Variants in REC114 observed in about 807,000 individuals in gnomAD.
REC114 encodes the protein meiotic recombination protein REC114.
REC114 carries 27 observed loss-of-function variants against 31.3 expected under a neutral mutation model. The ratio of observed to expected loss-of-function variants is 0.86; its 90% CI spans 0.64 to 1.19. The LOEUF is 1.19. Ranked by LOEUF, REC114 falls within the 50% of genes most tolerant of loss-of-function variation. REC114 has a pLI of 0.00. For synonymous variants in REC114, 134 were observed against 127.7 expected, an observed-to-expected ratio of 1.05 and a Z score of -0.33; for missense variants, 344 against 326.9, an observed-to-expected ratio of 1.05 and a Z score of -0.40.
chr15:73,449,756 G>A (rs2415149), intron 1 of REC114, among the ~76,000 whole-genome samples: 7,050 of 152,200 alleles, frequency 0.046, 270 homozygotes, highest in African/African-American at 0.11. Flanking sequence ...GAGAAAGGTT[G>A]GGTAACCCAC....
chr15:73,470,131 AAT>A (rs1474552377), intron 1 of REC114, among the ~76,000 whole-genome samples: 1 of 152,120 alleles, frequency 6.6e-6, no homozygotes, highest in Non-Finnish European at 1.5e-5. Flanking sequence ...TATTATATTT[AAT>A]ATGATTATTG....
intron 2 of REC114, among the ~76,000 whole-genome samples, chr15:73,480,718 C>T (rs1893282741): frequency 6.6e-6 from 1 of 152,178 alleles, no homozygotes; most frequent in Non-Finnish European, 1.5e-5. Context: ...CACTCTTTCG[C>T]CCAGGCTGGG....
At position 73,465,708 on chromosome 15, in the gene REC114, A is replaced by G. The variant is rs1249961013; in HGVS notation, c.160-8124A>G. ...TTATTTTCTGAAATAATCAAGTTAA[A>G]TGAAAAATATTATGCAGCGGACATT... is the stretch of plus-strand genomic sequence containing the variant. On this transcript the variant is annotated intron_variant, in intron 1 of 5. Transcript: ENST00000331090. Among the ~76,000 whole-genome samples the G allele has an allele frequency of 2.0e-5, 3 of 152,224 alleles. No homozygotes were observed. The South Asian group carries it at 6.2e-4, about 32-fold the overall frequency.
At chr15:73,546,107 A>C (rs931939886) in intron 3 of REC114, among the ~76,000 whole-genome samples, 1 of 152,212 alleles carries the variant, frequency 6.6e-6, no homozygotes, top group African/African-American at 2.4e-5. Flanking sequence ...TAGGTAATAC[A>C]CTAAAAGAAA....
At chr15:73,554,216 G>C (rs1028181614) in intron 4 of REC114, among the ~76,000 whole-genome samples, 31 of 152,246 alleles carry the variant, frequency 2.0e-4, no homozygotes, top group Admixed American at 2.6e-4. Flanking sequence ...AATTCCACCA[G>C]GGTACAGACC....
chr15:73,453,296 AACCCCATCAAAAAGTGGGCGAAG>A (rs1392696991), intron 1 of REC114, among the ~76,000 whole-genome samples: 1 of 152,252 alleles, frequency 6.6e-6, no homozygotes, highest in East Asian at 1.9e-4. Flanking sequence ...AGAAAAAGTC[AACCCCATCAAAAAGTGGGCGAAG>A]GATATGTACA....
At chr15:73,457,898 A>C (rs1000654456) in intron 1 of REC114, among the ~76,000 whole-genome samples, 6 of 152,198 alleles carry the variant, frequency 3.9e-5, no homozygotes, top group African/African-American at 1.4e-4. Flanking sequence ...TGTGTGCTTC[A>C]CACAGTCTTA....
At chr15:73,459,512 A>T (rs894282818) in intron 1 of REC114, among the ~76,000 whole-genome samples, 14 of 152,148 alleles carry the variant, frequency 9.2e-5, no homozygotes. Context: ...GATTACAGGC[A>T]TGAGCCACCG....
intron 1 of REC114, 63 bp downstream of exon 1, chr15:73,443,407 G>A (rs1006650984): frequency 2.0e-6 from 3 of 1,485,578 alleles, no homozygotes; most frequent in Non-Finnish European, 2.7e-6. Context: ...GAGGCTCCGC[G>A]AATACACTGG....
At chr15:73,520,636 C>T (rs1893925132) in intron 2 of REC114, among the ~76,000 whole-genome samples, 1 of 152,098 alleles carries the variant, frequency 6.6e-6, no homozygotes, top group Non-Finnish European at 1.5e-5. Flanking sequence ...CCTCCCTGCC[C>T]CATTTTGCCC....
intron 2 of REC114, among the ~76,000 whole-genome samples, chr15:73,508,437 CTTTT>C (rs1186634944): frequency 1.5e-5 from 2 of 131,148 alleles, no homozygotes; most frequent in Admixed American, 7.7e-5. Context: ...TTTTTTTTTT[CTTTT>C]TTAATTTTTT....
At chr15:73,526,198 ATC>A (rs1894004754) in intron 2 of REC114, among the ~76,000 whole-genome samples, 1 of 151,952 alleles carries the variant, frequency 6.6e-6, no homozygotes, top group African/African-American at 2.4e-5. Context: ...ATCTCTTTTT[ATC>A]TGTTTCTTTA....
intron 4 of REC114, among the ~76,000 whole-genome samples, chr15:73,555,244 CCT>C (rs1421884089): frequency 2.0e-5 from 3 of 152,112 alleles, no homozygotes; most frequent in African/African-American, 4.8e-5. Flanking sequence ...CAAAGAGTGC[CCT>C]GTTTCCTCCC....
At chr15:73,518,160 C>T (rs186161671) in intron 2 of REC114, among the ~76,000 whole-genome samples, 8 of 152,296 alleles carry the variant, frequency 5.3e-5, no homozygotes, top group East Asian at 1.9e-4. Flanking sequence ...AAATGAATTA[C>T]GTTTGCTATT....
intron 1 of REC114, among the ~76,000 whole-genome samples, chr15:73,460,885 C>T (rs1462893080): frequency 6.6e-6 from 1 of 151,950 alleles, no homozygotes; most frequent in Non-Finnish European, 1.5e-5. Flanking sequence ...GATAATTCTT[C>T]TGTTACATGG....
intron 1 of REC114, among the ~76,000 whole-genome samples, chr15:73,455,765 C>T (rs1481997776): frequency 6.6e-6 from 1 of 152,064 alleles, no homozygotes; most frequent in Non-Finnish European, 1.5e-5. Context: ...ACACTGAAAA[C>T]CCAATGGTTT....
intron 2 of REC114, among the ~76,000 whole-genome samples, chr15:73,480,670 A>G (rs1253085404): frequency 2.0e-5 from 3 of 152,132 alleles, no homozygotes; most frequent in Non-Finnish European, 2.9e-5. Context: ...AATCTGGGTC[A>G]TGATACATTT....
At position 73,512,963 on chromosome 15, in the gene REC114, C is replaced by G. The variant is rs1323232808; in HGVS notation, c.250-27522C>G. On this transcript the variant is annotated intron_variant, in intron 2 of 5. Transcript: ENST00000331090. ...TCGAGGAGTATCTTTGTGGCGTTCT[C>G]TGTATTTCCTGAATCTGAACGTTGG... is the stretch of plus-strand genomic sequence containing the variant. Among the ~76,000 whole-genome samples, 4 of 151,792 alleles carry G rather than the reference C, an allele frequency of 2.6e-5. No homozygotes were observed. The South Asian group carries it at 6.2e-4, about 24-fold the overall frequency.
chr15:73,538,236 TATAAGTGTAAA>T, intron 2 of REC114, among the ~76,000 whole-genome samples: 1 of 152,310 alleles, frequency 6.6e-6, no homozygotes, highest in East Asian at 1.9e-4. Context: ...TGAGATGTGG[TATAAGTGTAAA>T]ACACACACTG....
Sources: allele counts gnomAD v4.1 joint callset (sites outside exome capture counted in the v4.1 genomes callset), GRCh38; gene constraint gnomAD v4.1.1; transcripts MANE v1.5; gene names NCBI Gene and HGNC (gene_info 2026-07-23, HGNC 2026-07-21).